Variants in PKNOX2 observed in about 807,000 individuals in gnomAD.
The protein encoded by PKNOX2 is homeobox protein PKNOX2.
Under a neutral mutation model 53.1 loss-of-function variants are expected in PKNOX2, and 14 were observed. The ratio of observed to expected loss-of-function variants is 0.26; its 90% CI spans 0.17 to 0.41. The LOEUF is 0.41. Among genes scored for constraint, PKNOX2 ranks in the 10% least tolerant of loss-of-function variants. The pLI is 1.00. For synonymous variants in PKNOX2, 257 were observed against 242.8 expected, an observed-to-expected ratio of 1.06 and a Z score of -0.54; for missense variants, 496 against 602.8, an observed-to-expected ratio of 0.82 and a Z score of 1.85.
At chr11:125,237,879 G>T (rs2135583002) in intron 2 of PKNOX2, among the ~76,000 whole-genome samples, 1 of 152,244 alleles carries the variant, frequency 6.6e-6, no homozygotes, top group Non-Finnish European at 1.5e-5. Context: ...GGGCTCCCTG[G>T]ACCTCCATCC....
intron 2 of PKNOX2, among the ~76,000 whole-genome samples, chr11:125,280,580 G>A (rs1240466699): frequency 1.3e-5 from 2 of 152,184 alleles, no homozygotes; most frequent in African/African-American, 4.8e-5. Flanking sequence ...TCCTGTGAGA[G>A]GAACTGGAAT....
intron 2 of PKNOX2, among the ~76,000 whole-genome samples, chr11:125,286,241 C>T (rs937161878): frequency 3.3e-5 from 5 of 152,100 alleles, no homozygotes; most frequent in Admixed American, 6.5e-5. Flanking sequence ...ACAGCACAGT[C>T]GTAACTAAAG....
At chr11:125,266,218 G>GGTAA (rs1945331809) in intron 2 of PKNOX2, among the ~76,000 whole-genome samples, 1 of 152,154 alleles carries the variant, frequency 6.6e-6, no homozygotes, top group Non-Finnish European at 1.5e-5. Flanking sequence ...CCCCGTCAGT[G>GGTAA]GTAAGATTTC....
intron 2 of PKNOX2, among the ~76,000 whole-genome samples, chr11:125,302,060 C>A (rs1948112612): frequency 6.6e-6 from 1 of 152,212 alleles, no homozygotes; most frequent in Admixed American, 6.5e-5. Flanking sequence ...ATCTCAGACG[C>A]AGTTCGCCAG....
intron 2 of PKNOX2, among the ~76,000 whole-genome samples, chr11:125,330,918 G>C (rs1198554618): frequency 6.6e-6 from 1 of 152,236 alleles, no homozygotes; most frequent in African/African-American, 2.4e-5. Context: ...TGATGTTAAA[G>C]ATGCATTTAC....
At chr11:125,356,257 C>G (rs1173578721) in intron 4 of PKNOX2, among the ~76,000 whole-genome samples, 1 of 152,164 alleles carries the variant, frequency 6.6e-6, no homozygotes, top group Non-Finnish European at 1.5e-5. Flanking sequence ...AGGCACAGCC[C>G]CTGTCAATGT....
At chr11:125,170,039 C>T (rs2135185006) in intron 1 of PKNOX2, among the ~76,000 whole-genome samples, 1 of 152,300 alleles carries the variant, frequency 6.6e-6, no homozygotes, top group East Asian at 1.9e-4. Flanking sequence ...ACTGGGAAGG[C>T]AAGGCCTGAG....
At position 125,171,033 on chromosome 11, in the gene PKNOX2, C is replaced by A. The variant is rs190855564; in HGVS notation, c.-201+6257C>A. Among the ~76,000 whole-genome samples, 6 of 152,286 alleles carry A rather than the reference C, an allele frequency of 3.9e-5. No individual in the cohort carries two copies. In the East Asian group the frequency reaches 1.2e-3, roughly 29 times the overall value. Reference sequence around the variant, plus strand: ...GGCCAGAAAGCGGCCACAGAAGCAGCAGGTCACAGGGCACTGAGGCTTGTA... The same window carrying A: ...GGCCAGAAAGCGGCCACAGAAGCAGAAGGTCACAGGGCACTGAGGCTTGTA... On this transcript the variant is annotated intron_variant, in intron 1 of 12. Transcript: ENST00000298282.
chr11:125,286,888 G>A (rs1489608573), intron 2 of PKNOX2, among the ~76,000 whole-genome samples: 2 of 152,218 alleles, frequency 1.3e-5, no homozygotes, highest in African/African-American at 2.4e-5. Flanking sequence ...TGTTGTGAGT[G>A]CGCAGGCAGC....
chr11:125,302,065 C>T (rs368916031), intron 2 of PKNOX2, among the ~76,000 whole-genome samples: 2 of 152,162 alleles, frequency 1.3e-5, no homozygotes, highest in South Asian at 2.1e-4. Flanking sequence ...AGACGCAGTT[C>T]GCCAGCTGCC....
Position 125,378,795 on chromosome 11 carries a change from C to T in PKNOX2, c.228-6756C>T, listed in dbSNP as rs557936176. Among the ~76,000 whole-genome samples the T allele has an allele frequency of 1.5e-4, 23 of 152,318 alleles. No homozygotes were observed. In the South Asian group the frequency reaches 3.7e-3, roughly 25 times the overall value. The stretch of plus-strand genomic sequence containing the variant: ...ACTCAGCATTCACATCTCCCCTTGC[C>T]GGTGACCACCCTCGCCCCCGCTCAT... On this transcript the variant is annotated intron_variant, in intron 5 of 12. Coordinates refer to ENST00000298282, the MANE Select transcript of PKNOX2 (RefSeq NM_001382323.2).
intron 3 of PKNOX2, among the ~76,000 whole-genome samples, chr11:125,347,066 C>G (rs59391248): frequency 0.023 from 3,437 of 152,148 alleles, 100 homozygotes; most frequent in African/African-American, 0.067. Flanking sequence ...AGGGAGTGGG[C>G]GGAATGGCGT....
chr11:125,335,739 G>A (rs1950402956), intron 3 of PKNOX2, among the ~76,000 whole-genome samples: 1 of 152,154 alleles, frequency 6.6e-6, no homozygotes, highest in Non-Finnish European at 1.5e-5. Context: ...GATTGCTTGA[G>A]GCCAGTAGGT....
chr11:125,327,415 G>A (rs568922078), intron 2 of PKNOX2, among the ~76,000 whole-genome samples: 29 of 152,304 alleles, frequency 1.9e-4, no homozygotes, highest in African/African-American at 6.0e-4. Context: ...TGAACCATCC[G>A]GGTCATTGGG....
chr11:125,231,118 T>C (rs745911934), intron 1 of PKNOX2, among the ~76,000 whole-genome samples: 1 of 152,190 alleles, frequency 6.6e-6, no homozygotes, highest in Non-Finnish European at 1.5e-5. Context: ...TTGTCCAAGA[T>C]CAAACAGTAA....
rs756072223 is a variant in PKNOX2, at chr11:125,397,960, C to T, written c.486C>T (p.Tyr162=). ...TCTGCAAGGACTTTTGTAACCGTTA[C>T]ATCACCTGCCTCAAAACCAAGATGC... The part of the protein sequence containing the change: ...NELCKDFCNR[Y]ITCLKTKMHS... The change falls in exon 7 of 13, where the codon TAC becomes TAT. Residue 162 remains tyrosine, a synonymous_variant. Transcript: ENST00000298282. 20 of 1,614,006 alleles carry T rather than the reference C, an allele frequency of 1.2e-5. No homozygotes were observed. In the South Asian group the frequency reaches 1.4e-4, roughly 12 times the overall value.
At chr11:125,234,096 CT>C (rs1328759155) in intron 1 of PKNOX2, among the ~76,000 whole-genome samples, 2 of 152,226 alleles carry the variant, frequency 1.3e-5, no homozygotes, top group Non-Finnish European at 2.9e-5. Flanking sequence ...CTTCTCCTCC[CT>C]CCCACCAGCC....
intron 2 of PKNOX2, among the ~76,000 whole-genome samples, chr11:125,307,879 C>T (rs1170297155): frequency 6.6e-6 from 1 of 152,198 alleles, no homozygotes; most frequent in Admixed American, 6.5e-5. Context: ...ATGCAACTCA[C>T]CATAGGCAAG....
intron 1 of PKNOX2, among the ~76,000 whole-genome samples, chr11:125,201,463 A>C (rs1419159680): frequency 6.6e-6 from 1 of 152,184 alleles, no homozygotes; most frequent in East Asian, 1.9e-4. Context: ...GAATGGCCAC[A>C]GAAGAGCAGG....
Sources: allele counts gnomAD v4.1 joint callset (sites outside exome capture counted in the v4.1 genomes callset), GRCh38; gene constraint gnomAD v4.1.1; transcripts MANE v1.5; gene names NCBI Gene and HGNC (gene_info 2026-07-23, HGNC 2026-07-21).